The following PRR5L variants were observed in gnomAD, a reference collection of about 807,000 sequenced individuals.
PRR5L encodes the protein proline-rich protein 5-like.
In PRR5L, 21 loss-of-function variants were observed where a neutral mutation model predicts 36.4. That is an observed-to-expected ratio of 0.58 (90% confidence interval 0.41 to 0.83). The LOEUF (loss-of-function observed/expected upper bound fraction) is 0.83, where lower values mean the gene tolerates loss of function less well. Ranked by LOEUF, PRR5L falls within the 40% of genes least tolerant of loss-of-function variation. The pLI is 0.00. For missense variants in PRR5L, 381 were observed against 473.3 expected, an observed-to-expected ratio of 0.80 and a Z score of 1.81; for synonymous variants, 188 against 197.0, an observed-to-expected ratio of 0.95 and a Z score of 0.38.
At chr11:36,357,970 A>T (rs111724673) in intron 1 of PRR5L, among the ~76,000 whole-genome samples, 6,303 of 152,264 alleles carry the variant, frequency 0.041, 447 homozygotes, top group African/African-American at 0.14. Flanking sequence ...TCTAGAAAGG[A>T]TTAACCATTT....
rs1297128578 is a variant in PRR5L at position 36,453,194 on chromosome 11, C to T, written c.712+1859C>T. Among the ~76,000 whole-genome samples the T allele has an allele frequency of 3.3e-5, 5 of 152,112 alleles. 1 individual carries two copies. In the South Asian group the frequency reaches 8.3e-4, roughly 25 times the overall value. ...CCCTGGTAGAAGTGGGATGGGATAC[C>T]GTTTGTCTTTATACATCTATATCCT... On this transcript the variant is annotated intron_variant, in intron 8 of 8. Transcript: ENST00000530639.
chr11:36,450,428 A>G (rs1858919116), intron 7 of PRR5L, among the ~76,000 whole-genome samples: 2 of 152,196 alleles, frequency 1.3e-5, no homozygotes, highest in Admixed American at 1.3e-4. Flanking sequence ...CTTTCCAGCA[A>G]GAAGCTGAAC....
intron 1 of PRR5L, among the ~76,000 whole-genome samples, chr11:36,397,479 A>T (rs1227589507): frequency 3.6e-5 from 2 of 55,758 alleles, no homozygotes; most frequent in Middle Eastern, 0.019. Context: ...TTTTTGAGAG[A>T]GAAGCCTTGC....
intron 1 of PRR5L, among the ~76,000 whole-genome samples, chr11:36,326,445 C>CA (rs201872739): frequency 0.05 from 7,568 of 152,006 alleles, 216 homozygotes; most frequent in African/African-American, 0.082. Context: ...CCAGTTTTCT[C>CA]CAAAAAAATC....
chr11:36,401,310 G>A (rs753716576), intron 2 of PRR5L, 25 bp downstream of exon 2: 14 of 1,604,156 alleles, frequency 8.7e-6, no homozygotes, highest in Non-Finnish European at 8.5e-6. Flanking sequence ...AGGATGTGGG[G>A]TGGAGGGCTG....
intron 1 of PRR5L, among the ~76,000 whole-genome samples, chr11:36,378,475 T>C (rs1446377924): frequency 6.6e-6 from 1 of 152,200 alleles, no homozygotes; most frequent in Non-Finnish European, 1.5e-5. Context: ...AGTATGTTAC[T>C]GATGCTTCTA....
chr11:36,454,730 C>T (rs1332086141), intron 8 of PRR5L: 1 of 152,382 alleles, frequency 6.6e-6, no homozygotes, highest in Non-Finnish European at 1.5e-5. Flanking sequence ...CCCGGGGCTC[C>T]GCACTGCACC....
chr11:36,360,415 C>T (rs1857074911), intron 1 of PRR5L, among the ~76,000 whole-genome samples: 1 of 152,174 alleles, frequency 6.6e-6, no homozygotes, highest in African/African-American at 2.4e-5. Flanking sequence ...AGGTACCAAA[C>T]AGGAAAATGG....
intron 3 of PRR5L, among the ~76,000 whole-genome samples, chr11:36,414,415 G>T (rs1301171891): frequency 6.7e-6 from 1 of 148,996 alleles, no homozygotes; most frequent in Non-Finnish European, 1.5e-5. Flanking sequence ...TCTAACTGGT[G>T]TGAGATGGTA....
intron 1 of PRR5L, among the ~76,000 whole-genome samples, chr11:36,369,189 G>A (rs1857173593): frequency 6.6e-6 from 1 of 152,194 alleles, no homozygotes; most frequent in Non-Finnish European, 1.5e-5. Context: ...CTGATGGGCA[G>A]AGACAAGGAT....
At chr11:36,326,245 A>T (rs1038429988) in intron 1 of PRR5L, among the ~76,000 whole-genome samples, 2 of 151,674 alleles carry the variant, frequency 1.3e-5, no homozygotes, top group African/African-American at 4.8e-5. Context: ...ATTTAAAGTA[A>T]ACTGCAAATG....
At chr11:36,331,665 T>C (rs187703485) in intron 1 of PRR5L, among the ~76,000 whole-genome samples, 1 of 152,352 alleles carries the variant, frequency 6.6e-6, no homozygotes, top group East Asian at 1.9e-4. Context: ...ATGCTATTGA[T>C]ATTAAAACTC....
intron 1 of PRR5L, chr11:36,297,491 C>T (rs949927511): frequency 6.6e-6 from 1 of 152,160 alleles, no homozygotes. Flanking sequence ...TAAGTTGCCT[C>T]ATATGTAAGA....
chr11:36,327,682 G>A (rs1390925858), intron 1 of PRR5L, among the ~76,000 whole-genome samples: 4 of 152,148 alleles, frequency 2.6e-5, no homozygotes, highest in Non-Finnish European at 5.9e-5. Flanking sequence ...AGTCACCTAT[G>A]AGAATTCTTC....
At chr11:36,432,376 C>T (rs925473469) in intron 5 of PRR5L, among the ~76,000 whole-genome samples, 2 of 152,022 alleles carry the variant, frequency 1.3e-5, no homozygotes, top group African/African-American at 4.8e-5. Flanking sequence ...GGCACTCACT[C>T]AATAGGGTAT....
intron 1 of PRR5L, among the ~76,000 whole-genome samples, chr11:36,358,819 G>A (rs112695787): frequency 0.016 from 2,459 of 152,332 alleles, 66 homozygotes; most frequent in African/African-American, 0.055. Flanking sequence ...CTGGCAAAGG[G>A]GAAGAGGATG....
At chr11:36,307,301 G>A (rs1856445476) in intron 1 of PRR5L, among the ~76,000 whole-genome samples, 1 of 152,136 alleles carries the variant, frequency 6.6e-6, no homozygotes, top group African/African-American at 2.4e-5. Flanking sequence ...ATGAAGTTAA[G>A]GAAATTAAGC....
rs370148804 is a variant in PRR5L at position 36,462,594 on chromosome 11, G to A, written c.965G>A (p.Cys322Tyr). The A allele has an allele frequency of 1.9e-6, 3 of 1,612,846 alleles. No individual in the cohort carries two copies. In the South Asian group the frequency reaches 3.3e-5, roughly 18 times the overall value. Residue 322 changes from cysteine to tyrosine, a missense_variant, in exon 9 of 9, where the codon TGC (cysteine) becomes TAC (tyrosine). Coordinates refer to ENST00000530639, the MANE Select transcript of PRR5L (RefSeq NM_001160167.2). ...GAGGAGGCCAGCAGTGAGAACAAGT[G>A]CCTGCTCCTGCCACCCAGCTTCCCC... Reference protein sequence around the residue: ...LGEEASSENKCLLLPPSFPPP... With the variant: ...LGEEASSENKYLLLPPSFPPP...
intron 1 of PRR5L, among the ~76,000 whole-genome samples, chr11:36,346,085 G>T (rs988556769): frequency 1.3e-5 from 2 of 151,976 alleles, no homozygotes; most frequent in African/African-American, 4.8e-5. Flanking sequence ...TAGAGATGGG[G>T]CCTTATCATC....
Sources: allele counts gnomAD v4.1 joint callset (sites outside exome capture counted in the v4.1 genomes callset), GRCh38; gene constraint gnomAD v4.1.1; transcripts MANE v1.5; gene names NCBI Gene and HGNC (gene_info 2026-07-23, HGNC 2026-07-21).